The following SLAIN1 variants were observed in gnomAD, a reference collection of about 807,000 sequenced individuals.
SLAIN1 encodes SLAIN family member 1.
Under a neutral mutation model 55.4 loss-of-function variants are expected in SLAIN1, and 17 were observed. The ratio of observed to expected loss-of-function variants is 0.31; its 90% confidence interval spans 0.21 to 0.46. SLAIN1 has a LOEUF of 0.46. SLAIN1 is among the 20% of genes least tolerant of loss of function. The pLI is 1.00. For missense variants in SLAIN1, 682 were observed against 785.1 expected, an observed-to-expected ratio of 0.87 and a Z score of 1.57; for synonymous variants, 348 against 337.4, an observed-to-expected ratio of 1.03 and a Z score of -0.35.
At chr13:77,734,790 C>T (rs1333625551) in intron 2 of SLAIN1, among the ~76,000 whole-genome samples, 2 of 152,026 alleles carry the variant, frequency 1.3e-5, no homozygotes, top group Admixed American at 6.6e-5. Context: ...GAGGCTGAGG[C>T]GGATGGATCA....
rs141712227 is a variant in SLAIN1, at chr13:77,712,578, A to T, written c.627-6954A>T. On this transcript the variant is annotated intron_variant, in intron 1 of 6. Transcript: ENST00000418532. ...TCAGAGCGGACACAAACAAATGGAA[A>T]TACATTCCATGCTCATGGATAGGAA... Among the ~76,000 whole-genome samples, 5 of 152,196 alleles carry T rather than the reference A, an allele frequency of 3.3e-5. No individual in the cohort carries two copies. In the East Asian group the frequency reaches 9.6e-4, roughly 29 times the overall value.
At chr13:77,723,826 A>G (rs879898866) in intron 2 of SLAIN1, among the ~76,000 whole-genome samples, 1 of 151,744 alleles carries the variant, frequency 6.6e-6, no homozygotes, top group Non-Finnish European at 1.5e-5. Flanking sequence ...TTCTTTCTAG[A>G]TACTTCTGTG....
chr13:77,703,406 C>T (rs140394388), intron 1 of SLAIN1, among the ~76,000 whole-genome samples: 2 of 152,154 alleles, frequency 1.3e-5, no homozygotes, highest in East Asian at 3.9e-4. Context: ...CTGTTTTTTG[C>T]ATAATTGATT....
chr13:77,738,209 C>CAT (rs1873229987), intron 2 of SLAIN1, among the ~76,000 whole-genome samples: 1 of 133,174 alleles, frequency 7.5e-6, no homozygotes, highest in African/African-American at 2.8e-5. Flanking sequence ...CACACACACA[C>CAT]ACATATACAC....
chr13:77,729,901 C>CTG (rs146215187), intron 2 of SLAIN1, among the ~76,000 whole-genome samples: 16,907 of 150,428 alleles, frequency 0.11, 955 homozygotes, highest in East Asian at 0.13. Flanking sequence ...GCCAGTAACT[C>CTG]TGTGTGTGTG....
At chr13:77,731,810 T>C (rs1872875704) in intron 2 of SLAIN1, among the ~76,000 whole-genome samples, 1 of 152,116 alleles carries the variant, frequency 6.6e-6, no homozygotes, top group African/African-American at 2.4e-5. Context: ...TAACCTTTCA[T>C]GGTGGGAAAT....
At position 77,761,074 on chromosome 13, in the gene SLAIN1, A is replaced by G; in HGVS notation, c.1661A>G (p.Asn554Ser). The change falls in exon 6 of 7, where the codon AAC (asparagine) becomes AGC (serine). Residue 554 changes from asparagine to serine, a missense_variant. Physicochemically the swap from Asn to Ser is conservative, Grantham distance 46. Coordinates refer to ENST00000418532, the MANE Select transcript of SLAIN1 (RefSeq NM_001242868.2). ...CCTTCGTTGGCAATAAATGGGAGTA[A>G]CCTGCCTCGAAGCAAAATTGCACAA... ...PRPSLAINGS[N>S]LPRSKIAQPV... 2 of 1,614,200 alleles carry G rather than the reference A, an allele frequency of 1.2e-6. No individual in the cohort carries two copies. Among genetic ancestry groups the G allele is most frequent in the Non-Finnish European group, 1.7e-6 (2 of 1,180,022 alleles).
intron 1 of SLAIN1, among the ~76,000 whole-genome samples, chr13:77,700,182 A>G (rs1264231923): frequency 1.3e-5 from 2 of 152,210 alleles, no homozygotes; most frequent in Non-Finnish European, 2.9e-5. Context: ...TTTAGTTAGC[A>G]TCCTATTACT....
chr13:77,699,135 C>G (rs1432965963), intron 1 of SLAIN1: 2 of 1,385,076 alleles, frequency 1.4e-6, no homozygotes, highest in Admixed American at 2.1e-5. Context: ...TTTTCAGAGA[C>G]TGACTTGCTT....
chr13:77,713,718 A>G (rs1461190629), intron 1 of SLAIN1, among the ~76,000 whole-genome samples: 1 of 152,220 alleles, frequency 6.6e-6, no homozygotes, highest in East Asian at 1.9e-4. Flanking sequence ...AGACACATGC[A>G]CACGTATGTT....
intron 2 of SLAIN1, among the ~76,000 whole-genome samples, chr13:77,727,503 C>CAAA (rs1408892145): frequency 7.1e-6 from 1 of 140,016 alleles, no homozygotes; most frequent in African/African-American, 2.8e-5. Context: ...ACTAGCCAAG[C>CAAA]CAAAAAAAAA....
intron 2 of SLAIN1, among the ~76,000 whole-genome samples, chr13:77,731,932 G>A (rs1594273723): frequency 6.6e-6 from 1 of 152,044 alleles, no homozygotes; most frequent in Admixed American, 6.6e-5. Flanking sequence ...GGCCTGGGTG[G>A]GGAAGGAAAA....
chr13:77,711,129 G>T (rs1430773831), intron 1 of SLAIN1, among the ~76,000 whole-genome samples: 1 of 152,050 alleles, frequency 6.6e-6, no homozygotes. Flanking sequence ...GAGAAAGCAG[G>T]AAAGATCTCA....
intron 5 of SLAIN1, 47 bp from the exon 6 acceptor site, chr13:77,760,781 G>A (rs762947445): frequency 1.0e-5 from 16 of 1,591,996 alleles, no homozygotes; most frequent in Middle Eastern, 2.2e-4. Context: ...TTCCTAAGTC[G>A]GATAGTGGTA....
At position 77,698,224 on chromosome 13, in the gene SLAIN1, C is replaced by A; in HGVS notation, c.311C>A (p.Ala104Glu). Residue 104 changes from alanine to glutamate, a missense_variant, in exon 1 of 7, where the codon GCG (alanine) becomes GAG (glutamate). Around this residue, in one of 3 missense-constraint regions of SLAIN1, gnomAD observed 401 missense variants for 417.3 expected, o/e 0.96. Transcript: ENST00000418532. This position sits in a 1 kb window ranked among gnomAD's most constrained non-coding sequence, Gnocchi z 4.1. Reference protein sequence around the residue: ...GGLGLGLALGAGGGGGSGSGS... With the variant: ...GGLGLGLALGEGGGGGSGSGS... ...CTGGGGCTCGGGCTGGCGCTGGGCG[C>A]GGGGGGCGGTGGCGGCAGCGGTAGT... The A allele has an allele frequency of 7.6e-7, 1 of 1,314,506 alleles. No homozygotes were observed. The highest frequency in any genetic ancestry group is 2.0e-5 in the South Asian group (1 of 49,794). 81.4% of individuals were successfully genotyped at this position (1,314,506 alleles called of 1,614,324 possible). A position where few individuals can be genotyped will look rare whatever the true frequency, so the allele number is the denominator to read the frequency against.
At chr13:77,721,145 G>A (rs570435437) in intron 2 of SLAIN1, among the ~76,000 whole-genome samples, 80 of 152,178 alleles carry the variant, frequency 5.3e-4, no homozygotes, top group Middle Eastern at 6.8e-3. Flanking sequence ...TCATGGGGGC[G>A]GTTTCCCCCA....
chr13:77,718,277 T>C (rs1217714847), intron 1 of SLAIN1, among the ~76,000 whole-genome samples: 5 of 152,058 alleles, frequency 3.3e-5, no homozygotes, highest in Non-Finnish European at 7.4e-5. Context: ...ACAAAGAATG[T>C]GAAAACTATG....
intron 1 of SLAIN1, 32 bp from the exon 2 acceptor site, chr13:77,719,500 T>A (rs2091240875): frequency 6.4e-7 from 1 of 1,558,240 alleles, no homozygotes; most frequent in African/African-American, 1.4e-5. Flanking sequence ...TATACCTATA[T>A]CATACCTATA....
rs186178594 is a variant in SLAIN1, at chr13:77,758,133, T to G, written c.1415-2695T>G. Among the ~76,000 whole-genome samples, 17 of 152,242 alleles carry G rather than the reference T, an allele frequency of 1.1e-4. No individual in the cohort carries two copies. In the East Asian group the frequency reaches 3.3e-3, roughly 29 times the overall value. ...TTTAATTATGGCCATTCTTGCAGGGTAAGGTGGTATCTCATTGTGGTTTTA... is the reference window on the plus strand; with the variant it reads ...TTTAATTATGGCCATTCTTGCAGGGGAAGGTGGTATCTCATTGTGGTTTTA... On this transcript the variant is annotated intron_variant, in intron 5 of 6. Coordinates refer to ENST00000418532, the MANE Select transcript of SLAIN1 (RefSeq NM_001242868.2).
Sources: allele counts gnomAD v4.1 joint callset (sites outside exome capture counted in the v4.1 genomes callset), GRCh38; gene constraint gnomAD v4.1.1; regional missense constraint gnomAD v4.1.1; non-coding constraint Gnocchi (gnomAD v3.1); transcripts MANE v1.5; gene names NCBI Gene and HGNC (gene_info 2026-07-23, HGNC 2026-07-21).